Variants in NCKAP5 observed in about 807,000 individuals in gnomAD.
NCKAP5 encodes the protein nck-associated protein 5.
In NCKAP5, 92 loss-of-function variants were observed where a neutral mutation model predicts 167.0. The observed-to-expected ratio is 0.55, with a 90% CI of 0.47 to 0.66. The LOEUF (loss-of-function observed/expected upper bound fraction) is 0.66, where lower values mean the gene tolerates loss of function less well. Ranked by LOEUF, NCKAP5 falls within the 30% of genes least tolerant of loss-of-function variation. The pLI is 0.00. For synonymous variants in NCKAP5, 891 were observed against 877.4 expected, an observed-to-expected ratio of 1.02 and a Z score of -0.27; for missense variants, 2,378 against 2,315.0, an observed-to-expected ratio of 1.03 and a Z score of -0.56.
chr2:133,269,729 A>G (rs935884813), intron 4 of NCKAP5, among the ~76,000 whole-genome samples: 6 of 152,234 alleles, frequency 3.9e-5, no homozygotes, highest in African/African-American at 1.4e-4. Context: ...CTTTTGTTTA[A>G]TAGATCACTC....
At chr2:133,359,798 A>C (rs1559414866) in intron 3 of NCKAP5, among the ~76,000 whole-genome samples, 1 of 152,234 alleles carries the variant, frequency 6.6e-6, no homozygotes, top group Non-Finnish European at 1.5e-5. Context: ...ATTTGGCTAT[A>C]CAATAACTTG....
intron 4 of NCKAP5, among the ~76,000 whole-genome samples, chr2:133,242,119 C>CAAAAA (rs1176776551): frequency 4.1e-5 from 2 of 48,260 alleles, no homozygotes; most frequent in African/African-American, 1.4e-4. Context: ...AACTCTGTCT[C>CAAAAA]AAAAAAAAAA....
intron 3 of NCKAP5, among the ~76,000 whole-genome samples, chr2:133,367,591 C>T (rs1685534947): frequency 6.6e-6 from 1 of 152,064 alleles, no homozygotes; most frequent in South Asian, 2.1e-4. Flanking sequence ...ACAGGACTGC[C>T]ATCTCTTATT....
At position 133,550,754 on chromosome 2, in the gene NCKAP5, C is replaced by G. The variant is rs1223905023; in HGVS notation, c.-62+8296G>C. Among the ~76,000 whole-genome samples the G allele has an allele frequency of 8.4e-5, 11 of 131,612 alleles. No individual in the cohort carries two copies. The East Asian group carries it at 1.1e-3, about 13-fold the overall frequency. The allele number at this position is 131,612 out of a possible 152,430, so 86.3% of individuals were successfully genotyped here. A position where few individuals can be genotyped will look rare whatever the true frequency, so the allele number is the denominator to read the frequency against. On this transcript the variant is annotated intron_variant, in intron 2 of 19. Coordinates refer to ENST00000409261, the MANE Select transcript of NCKAP5 (RefSeq NM_207363.3). ...TGTTGGAAGTTCTGGCCAGGGCAATCAGGCAGGAGAAGGAAATAAAGGGTA... is the reference window on the plus strand; with the variant it reads ...TGTTGGAAGTTCTGGCCAGGGCAATGAGGCAGGAGAAGGAAATAAAGGGTA...
chr2:132,812,947 A>C (rs1028847100), intron 11 of NCKAP5, among the ~76,000 whole-genome samples: 5 of 152,146 alleles, frequency 3.3e-5, no homozygotes, highest in Admixed American at 6.5e-5. Flanking sequence ...CATTCATAAG[A>C]GCTCTCATGC....
chr2:133,033,742 C>A lies in NCKAP5; in HGVS notation c.342-39503G>T, dbSNP rs139891487. 7.2e-4 allele frequency among the ~76,000 whole-genome samples: 110 copies of A among 151,880 alleles called. 2 individuals carry two copies. The highest frequency in any genetic ancestry group is 2.5e-3 in the African/African-American group (104 of 41,430). ...AGCATACTGAAGAACACATCAGAGT[C>A]CTTTAACAGCAGAATTGGTCAAGCA... is the stretch of plus-strand genomic sequence containing the variant. On this transcript the variant is annotated intron_variant, in intron 6 of 19. Transcript: ENST00000409261.
intron 3 of NCKAP5, among the ~76,000 whole-genome samples, chr2:133,341,039 A>C (rs1258586095): frequency 6.6e-6 from 1 of 152,184 alleles, no homozygotes; most frequent in Non-Finnish European, 1.5e-5. Context: ...ATATTTACCT[A>C]TGACATTTTT....
intron 3 of NCKAP5, among the ~76,000 whole-genome samples, chr2:133,420,749 C>T (rs757065227): frequency 1.3e-5 from 2 of 152,028 alleles, no homozygotes; most frequent in Non-Finnish European, 1.5e-5. Context: ...CAGCAAACCG[C>T]CAGGAGGTTT....
intron 6 of NCKAP5, among the ~76,000 whole-genome samples, chr2:133,048,211 G>C (rs776642945): frequency 6.6e-6 from 1 of 152,148 alleles, no homozygotes; most frequent in Admixed American, 6.5e-5. Flanking sequence ...TGGACTGGGG[G>C]AACCTGGCAC....
intron 4 of NCKAP5, among the ~76,000 whole-genome samples, chr2:133,226,048 C>A (rs1270483614): frequency 2.0e-5 from 3 of 151,966 alleles, no homozygotes; most frequent in East Asian, 3.9e-4. Flanking sequence ...AGTGCCCCAG[C>A]CTCCCAAAGT....
upstream of NCKAP5, among the ~76,000 whole-genome samples, chr2:133,572,265 C>A (rs950656701): frequency 6.6e-6 from 1 of 152,186 alleles, no homozygotes; most frequent in Non-Finnish European, 1.5e-5. Context: ...ATGTGACCAC[C>A]ATTAATACTC....
chr2:132,720,753 A>G (rs141108260), intron 19 of NCKAP5, among the ~76,000 whole-genome samples: 21,322 of 152,214 alleles, frequency 0.14, 1,632 homozygotes, highest in Non-Finnish European at 0.17. Flanking sequence ...CTCACCCTGT[A>G]ATCCCAGCAC....
At chr2:133,257,266 G>T (rs1158462014) in intron 4 of NCKAP5, among the ~76,000 whole-genome samples, 1 of 152,140 alleles carries the variant, frequency 6.6e-6, no homozygotes, top group East Asian at 1.9e-4. Context: ...GAACAAAATG[G>T]ATCCAGATAC....
intron 19 of NCKAP5, among the ~76,000 whole-genome samples, chr2:132,722,752 C>G (rs983812908): frequency 1.3e-5 from 2 of 152,162 alleles, no homozygotes; most frequent in African/African-American, 4.8e-5. Flanking sequence ...AGAGCCAAAG[C>G]TTGGAGTCAT....
chr2:133,106,134 A>G (rs2081681624), intron 6 of NCKAP5, among the ~76,000 whole-genome samples: 1 of 144,088 alleles, frequency 6.9e-6, no homozygotes, highest in Admixed American at 7.2e-5. Context: ...TCTACTAAAA[A>G]TACAAAAAAT....
the NCKAP5 span, among the ~76,000 whole-genome samples, chr2:133,605,724 T>A: frequency 6.6e-6 from 1 of 152,368 alleles, no homozygotes; most frequent in Non-Finnish European, 1.5e-5. Flanking sequence ...TTGATTTGAT[T>A]TGTTCTTATG....
the NCKAP5 span, among the ~76,000 whole-genome samples, chr2:133,657,411 A>C: frequency 6.6e-6 from 1 of 152,226 alleles, no homozygotes; most frequent in Non-Finnish European, 1.5e-5. Context: ...AGATGAAAGT[A>C]CCCTTTTAGC....
At chr2:133,287,146 A>G (rs1277916263) in intron 4 of NCKAP5, among the ~76,000 whole-genome samples, 1 of 152,204 alleles carries the variant, frequency 6.6e-6, no homozygotes, top group Non-Finnish European at 1.5e-5. Flanking sequence ...CCATTTTCAA[A>G]CAATTATTAG....
At chr2:133,390,467 C>T (rs967335118) in intron 3 of NCKAP5, among the ~76,000 whole-genome samples, 3 of 152,166 alleles carry the variant, frequency 2.0e-5, no homozygotes, top group Non-Finnish European at 4.4e-5. Flanking sequence ...TAATCCAGCT[C>T]CTCAGATCTA....
Sources: allele counts gnomAD v4.1 joint callset (sites outside exome capture counted in the v4.1 genomes callset), GRCh38; gene constraint gnomAD v4.1.1; transcripts MANE v1.5; gene names NCBI Gene and HGNC (gene_info 2026-07-23, HGNC 2026-07-21).